Variants in RUNX2 observed in about 807,000 individuals in gnomAD.
The protein encoded by RUNX2 is RUNX family transcription factor 2.
RUNX2 carries 10 observed loss-of-function variants against 51.7 expected under a neutral mutation model. The ratio of observed to expected loss-of-function variants is 0.19; its 90% confidence interval spans 0.12 to 0.33. The LOEUF (loss-of-function observed/expected upper bound fraction) is 0.33. Ranked by LOEUF, RUNX2 falls within the 10% of genes least tolerant of loss-of-function variation. The pLI is 1.00. For missense variants in RUNX2, 562 were observed against 691.3 expected, an observed-to-expected ratio of 0.81 and a Z score of 2.10; for synonymous variants, 276 against 273.6, an observed-to-expected ratio of 1.01 and a Z score of -0.09.
intron 5 of RUNX2, among the ~76,000 whole-genome samples, chr6:45,440,224 C>G (rs755434851): frequency 6.6e-6 from 1 of 152,172 alleles, no homozygotes; most frequent in Non-Finnish European, 1.5e-5. Context: ...ACAGCTGAAT[C>G]CTATAACCTG....
intron 2 of RUNX2, among the ~76,000 whole-genome samples, chr6:45,372,967 C>A (rs529721093): frequency 4.6e-5 from 7 of 152,196 alleles, no homozygotes; most frequent in South Asian, 4.1e-4. Context: ...CGCCAAGACA[C>A]GCGGCTAATT....
intron 6 of RUNX2, 62 bp downstream of exon 6, chr6:45,492,176 C>T (rs1321345047): frequency 5.9e-6 from 9 of 1,533,932 alleles, no homozygotes; most frequent in African/African-American, 1.4e-5. Flanking sequence ...GAGGGGCTAC[C>T]AGAGGAGATG....
At chr6:45,329,239 T>C (rs768261378) in intron 2 of RUNX2, among the ~76,000 whole-genome samples, 8 of 152,008 alleles carry the variant, frequency 5.3e-5, no homozygotes, top group Non-Finnish European at 8.8e-5. Flanking sequence ...AACATTATGG[T>C]CTACCATGTA....
intron 2 of RUNX2, among the ~76,000 whole-genome samples, chr6:45,385,583 C>G (rs1038277929): frequency 6.6e-6 from 1 of 152,178 alleles, no homozygotes; most frequent in African/African-American, 2.4e-5. Flanking sequence ...AGAAACACAA[C>G]TTAAAAGTAC....
At chr6:45,542,047 G>T (rs1311149440) in intron 7 of RUNX2, among the ~76,000 whole-genome samples, 3 of 152,140 alleles carry the variant, frequency 2.0e-5, no homozygotes, top group Non-Finnish European at 4.4e-5. Context: ...CTCACTCTCA[G>T]TGGGAGCCAA....
rs1800239000 is a variant in RUNX2 at position 45,485,282 on chromosome 6, A to G, written c.686-6659A>G. 2.0e-5 allele frequency among the ~76,000 whole-genome samples: 3 copies of G among 149,584 alleles called. No homozygotes were observed. The Admixed American group carries it at 2.0e-4, about 10-fold the overall frequency. On this transcript the variant is annotated intron_variant, in intron 5 of 8. Transcript: ENST00000647337. ...CAGTGGCTTGATCTCAGCTCACCGC[A>G]ACCTCTGCCTCCTGTGTTCAAGCGA...
intron 5 of RUNX2, 90 bp from the exon 6 acceptor site, chr6:45,491,851 A>T: frequency 7.6e-7 from 1 of 1,314,720 alleles, no homozygotes; most frequent in South Asian, 1.2e-5. Flanking sequence ...CTTGGCTTAA[A>T]CTCCCAGTTT....
At chr6:45,541,234 T>A (rs1003905356) in intron 7 of RUNX2, among the ~76,000 whole-genome samples, 1 of 152,208 alleles carries the variant, frequency 6.6e-6, no homozygotes, top group African/African-American at 2.4e-5. Context: ...GAAAACATAT[T>A]CTTTACCATC....
chr6:45,476,357 G>C (rs1311706687), intron 5 of RUNX2, among the ~76,000 whole-genome samples: 1 of 152,002 alleles, frequency 6.6e-6, no homozygotes, highest in Non-Finnish European at 1.5e-5. Context: ...ACCTTGCTCA[G>C]AAGATAGGCT....
chr6:45,350,801 T>C (rs202017917), intron 2 of RUNX2, among the ~76,000 whole-genome samples: 1 of 152,164 alleles, frequency 6.6e-6, no homozygotes, highest in East Asian at 1.9e-4. Flanking sequence ...ATCCCAGTAG[T>C]GTCTAAATGA....
chr6:45,328,834 T>C (rs752846697), intron 2 of RUNX2, 50 bp downstream of exon 2: 2 of 1,565,848 alleles, frequency 1.3e-6, no homozygotes, highest in Admixed American at 3.4e-5. Flanking sequence ...CTGTTAAACA[T>C]AAAGGTATGA....
chr6:45,541,468 G>C (rs906980219), intron 7 of RUNX2, among the ~76,000 whole-genome samples: 2 of 152,208 alleles, frequency 1.3e-5, no homozygotes, highest in African/African-American at 2.4e-5. Flanking sequence ...CATAGGTCTT[G>C]TGTATTACAT....
chr6:45,440,140 G>A (rs1582114080), intron 5 of RUNX2, among the ~76,000 whole-genome samples: 1 of 152,136 alleles, frequency 6.6e-6, no homozygotes, highest in South Asian at 2.1e-4. Context: ...GAAAATGCGG[G>A]GTCATTTTCC....
chr6:45,435,198 T>C (rs1798649089), intron 4 of RUNX2, among the ~76,000 whole-genome samples: 2 of 152,160 alleles, frequency 1.3e-5, no homozygotes, highest in South Asian at 2.1e-4. Context: ...TGCTTTATAC[T>C]TGAAGGGTGA....
intron 7 of RUNX2, among the ~76,000 whole-genome samples, chr6:45,538,967 A>G (rs111690478): frequency 1.5e-4 from 23 of 151,916 alleles, no homozygotes; most frequent in African/African-American, 5.3e-4. Context: ...CATCCTTCCT[A>G]GGATTTAAAA....
intron 7 of RUNX2, among the ~76,000 whole-genome samples, chr6:45,525,737 G>A (rs1801655402): frequency 6.6e-6 from 1 of 152,202 alleles, no homozygotes; most frequent in South Asian, 2.1e-4. Context: ...GCTCACATTT[G>A]TAATCCTAGC....
chr6:45,371,325 T>C (rs546529108), intron 2 of RUNX2, among the ~76,000 whole-genome samples: 85 of 152,072 alleles, frequency 5.6e-4, no homozygotes, highest in African/African-American at 1.9e-3. Flanking sequence ...GACTGGGGGA[T>C]TTACTGTAGG....
intron 5 of RUNX2, among the ~76,000 whole-genome samples, chr6:45,458,612 T>C (rs1175140841): frequency 2.0e-5 from 3 of 152,228 alleles, no homozygotes; most frequent in African/African-American, 7.2e-5. Flanking sequence ...CAATAAAATT[T>C]TGATTATTTT....
At chr6:45,523,849 T>C (rs2150432616) in intron 7 of RUNX2, among the ~76,000 whole-genome samples, 1 of 152,006 alleles carries the variant, frequency 6.6e-6, no homozygotes, top group South Asian at 2.1e-4. Flanking sequence ...GGAGAATCAC[T>C]TGAACCCGGG....
Sources: allele counts gnomAD v4.1 joint callset (sites outside exome capture counted in the v4.1 genomes callset), GRCh38; gene constraint gnomAD v4.1.1; transcripts MANE v1.5; gene names NCBI Gene and HGNC (gene_info 2026-07-23, HGNC 2026-07-21).